KIAA1217: variants seen among roughly 807,000 people sequenced by gnomAD.
The protein encoded by KIAA1217 is KIAA1217.
A neutral mutation model predicts 163.9 loss-of-function variants in KIAA1217; 88 were observed. That is an observed-to-expected ratio of 0.54 (90% CI 0.45 to 0.64). The LOEUF (loss-of-function observed/expected upper bound fraction) is 0.64, where lower values mean the gene tolerates loss of function less well. Among genes scored for constraint, KIAA1217 ranks in the 30% least tolerant of loss-of-function variants. The probability of loss-of-function intolerance (pLI) is 0.00; values close to 1 mark genes in which losing one functional copy is unlikely to be tolerated. For missense variants in KIAA1217, 2,372 were observed against 2,475.0 expected (o/e 0.96, Z 0.88); for synonymous variants, 903 against 923.1 (o/e 0.98, Z 0.39).
chr10:24,003,654 G>T (rs1285229528), intron 1 of KIAA1217, among the ~76,000 whole-genome samples: 1 of 152,142 alleles, frequency 6.6e-6, no homozygotes, highest in Admixed American at 6.5e-5. Context: ...TTTGCAAAAA[G>T]GGGTGGGTTT....
intron 2 of KIAA1217, among the ~76,000 whole-genome samples, chr10:24,122,263 C>T (rs531205346): frequency 6.6e-6 from 1 of 151,562 alleles, no homozygotes; most frequent in East Asian, 1.9e-4. Context: ...TTTTCTGTTT[C>T]TGTATTAATT....
intron 1 of KIAA1217, among the ~76,000 whole-genome samples, chr10:23,701,415 T>C (rs1254600610): frequency 2.6e-5 from 4 of 152,198 alleles, no homozygotes; most frequent in African/African-American, 7.2e-5. Flanking sequence ...AGCCACATTC[T>C]CTCATGTCCA....
intron 1 of KIAA1217, among the ~76,000 whole-genome samples, chr10:23,727,262 TA>T (rs1838215344): frequency 6.6e-6 from 1 of 152,000 alleles, no homozygotes; most frequent in Non-Finnish European, 1.5e-5. Flanking sequence ...GGCATCTTTC[TA>T]AAAATAAAAT....
At chr10:24,158,127 G>A (rs2064962022) in intron 2 of KIAA1217, 7 of 754,046 alleles carry the variant, frequency 9.3e-6, no homozygotes, top group Non-Finnish European at 1.7e-5. Flanking sequence ...GACATTTCTA[G>A]CCTGGGATTT....
chr10:23,881,141 T>C (rs1840932443), intron 1 of KIAA1217, among the ~76,000 whole-genome samples: 1 of 151,878 alleles, frequency 6.6e-6, no homozygotes, highest in African/African-American at 2.4e-5. Context: ...TAGTTCACTA[T>C]GGTGTGAAGA....
intron 2 of KIAA1217, among the ~76,000 whole-genome samples, chr10:24,321,467 A>T (rs1175879620): frequency 2.6e-5 from 4 of 152,116 alleles, no homozygotes; most frequent in African/African-American, 9.7e-5. Context: ...CAGGAGGCAG[A>T]GGTTGCAGTG....
chr10:23,812,481 A>T (rs1427201728), intron 1 of KIAA1217, among the ~76,000 whole-genome samples: 1 of 145,622 alleles, frequency 6.9e-6, no homozygotes, highest in Non-Finnish European at 1.5e-5. Context: ...ACTAATTATT[A>T]TTGTTTCTTT....
intron 2 of KIAA1217, among the ~76,000 whole-genome samples, chr10:24,351,345 C>T (rs2048436538): frequency 1.3e-5 from 2 of 152,218 alleles, no homozygotes; most frequent in South Asian, 4.1e-4. Flanking sequence ...GTATCTTCTT[C>T]CCTGCCCTGG....
At chr10:24,278,854 C>CTTTTTTTTTTTTTTT (rs11288814) in intron 2 of KIAA1217, among the ~76,000 whole-genome samples, 1 of 140,844 alleles carries the variant, frequency 7.1e-6, no homozygotes, top group Non-Finnish European at 1.5e-5. Flanking sequence ...ACTCAGATTA[C>CTTTTTTTTTTTTTTT]TTTTTTTTTT....
intron 2 of KIAA1217, among the ~76,000 whole-genome samples, chr10:24,292,984 C>T (rs1383290053): frequency 1.3e-5 from 2 of 152,184 alleles, no homozygotes; most frequent in African/African-American, 2.4e-5. Context: ...TTTCTACATG[C>T]TACAAGCTGC....
intron 3 of KIAA1217, among the ~76,000 whole-genome samples, chr10:24,409,997 C>CTTTTTTTTTTTTTTTTTTTTTTTTTTT (rs71397947): frequency 4.0e-5 from 5 of 123,872 alleles, no homozygotes; most frequent in East Asian, 2.3e-4. Context: ...TTTCTTTTTT[C>CTTTTTTTTTTTTTTTTTTTTTTTTTTT]TTTTTTTTTT....
At chr10:23,775,246 A>G (rs1834959059) in intron 1 of KIAA1217, among the ~76,000 whole-genome samples, 1 of 152,182 alleles carries the variant, frequency 6.6e-6, no homozygotes, top group African/African-American at 2.4e-5. Context: ...ATTTATGAGT[A>G]GTATCAATGG....
At chr10:24,339,890 T>C (rs1441592907) in intron 2 of KIAA1217, among the ~76,000 whole-genome samples, 1 of 152,254 alleles carries the variant, frequency 6.6e-6, no homozygotes, top group Non-Finnish European at 1.5e-5. Flanking sequence ...TCTCCCCTTT[T>C]CTTTGACTCT....
chr10:24,290,832 C>T (rs2079021722), intron 2 of KIAA1217, among the ~76,000 whole-genome samples: 1 of 151,996 alleles, frequency 6.6e-6, no homozygotes. Flanking sequence ...AAACTCCTGA[C>T]CTCAGGTGCT....
rs148971039 is a variant in KIAA1217, at chr10:23,902,231, G to C, written c.-320-104994G>C. On this transcript the variant is annotated intron_variant, in intron 1 of 18. Coordinates refer to the KIAA1217 transcript ENST00000376462. ...TATGTCCTTTGCAGGAAAATGGATG[G>C]TGCTGGTGGCCATTATCCTTAGCAA... Among the ~76,000 whole-genome samples the C allele has an allele frequency of 2.6e-3, 399 of 152,186 alleles. 2 individuals carry two copies. Among genetic ancestry groups the C allele is most frequent in the African/African-American group, 9.1e-3 (378 of 41,550 alleles).
At chr10:24,445,063 C>A (rs891661775) in intron 5 of KIAA1217, among the ~76,000 whole-genome samples, 1 of 152,168 alleles carries the variant, frequency 6.6e-6, no homozygotes, top group African/African-American at 2.4e-5. Flanking sequence ...TAGAAGATAG[C>A]AAACCTTTTT....
intron 12 of KIAA1217, among the ~76,000 whole-genome samples, chr10:24,522,359 A>G (rs1044913205): frequency 6.6e-6 from 1 of 152,150 alleles, no homozygotes; most frequent in Admixed American, 6.5e-5. Flanking sequence ...GTTTTTTAAA[A>G]TAACATTTTG....
intron 13 of KIAA1217, among the ~76,000 whole-genome samples, chr10:24,526,234 C>T (rs1215987251): frequency 6.6e-6 from 1 of 152,078 alleles, no homozygotes. Flanking sequence ...ACTGCCACAG[C>T]CACGGTCGCA....
chr10:23,992,567 T>G (rs1589199466), intron 1 of KIAA1217, among the ~76,000 whole-genome samples: 2 of 151,960 alleles, frequency 1.3e-5, no homozygotes, highest in South Asian at 4.2e-4. Context: ...GAGATATGTT[T>G]ATTTGGCAAA....
Sources: gnomAD v4.1 joint callset for allele counts (sites outside exome capture counted in the v4.1 genomes callset) on GRCh38, gnomAD v4.1.1 for gene constraint, MANE v1.5 for transcripts, NCBI Gene and HGNC (gene_info 2026-07-23, HGNC 2026-07-21) for gene names.